BCKDHB: variants seen among roughly 807,000 people sequenced by gnomAD.
The protein encoded by BCKDHB is branched chain keto acid dehydrogenase E1 subunit beta, also known as 2-oxoisovalerate dehydrogenase subunit beta, mitochondrial.
Under a neutral mutation model 48.5 loss-of-function variants are expected in BCKDHB, and 41 were observed. That is an observed-to-expected ratio of 0.85 (90% CI 0.66 to 1.10). The LOEUF (loss-of-function observed/expected upper bound fraction) is 1.10, where lower values mean the gene tolerates loss of function less well. Ranked by LOEUF, BCKDHB falls within the 50% of genes least tolerant of loss-of-function variation. BCKDHB has a pLI of 0.00. For synonymous variants in BCKDHB, 201 were observed against 174.8 expected (o/e 1.15, Z -1.18); for missense variants, 496 against 494.2 (o/e 1.00, Z -0.03).
At chr6:80,121,537 T>C (rs1770017674) in intron 1 of BCKDHB, among the ~76,000 whole-genome samples, 2 of 152,224 alleles carry the variant, frequency 1.3e-5, no homozygotes, top group South Asian at 4.1e-4. Flanking sequence ...TTTTATTTTG[T>C]TGAGCAGTGG....
chr6:80,423,472 A>G, the BCKDHB span, among the ~76,000 whole-genome samples: 1 of 152,328 alleles, frequency 6.6e-6, no homozygotes. Flanking sequence ...CATCTTGCTA[A>G]CATCCTATAT....
chr6:80,411,490 C>G, the BCKDHB span, among the ~76,000 whole-genome samples: 5 of 152,242 alleles, frequency 3.3e-5, no homozygotes, highest in East Asian at 9.6e-4. Flanking sequence ...CCACTACTCT[C>G]TTCAGAGCTG....
the BCKDHB span, among the ~76,000 whole-genome samples, chr6:80,456,310 C>A: frequency 6.6e-6 from 1 of 151,850 alleles, no homozygotes; most frequent in Non-Finnish European, 1.5e-5. Flanking sequence ...GATGTCCATA[C>A]GTTGAATAAA....
chr6:80,201,431 G>A (rs1774390428), intron 7 of BCKDHB, among the ~76,000 whole-genome samples: 1 of 152,034 alleles, frequency 6.6e-6, no homozygotes. Flanking sequence ...TCTGTGGTAC[G>A]GATTTCTGAG....
chr6:80,277,822 A>G (rs1359992894), intron 9 of BCKDHB, among the ~76,000 whole-genome samples: 1 of 152,066 alleles, frequency 6.6e-6, no homozygotes, highest in African/African-American at 2.4e-5. Context: ...ATATTTTTTA[A>G]GATTATCAGA....
chr6:80,463,589 C>CT, the BCKDHB span, among the ~76,000 whole-genome samples: 41 of 149,998 alleles, frequency 2.7e-4, no homozygotes, highest in East Asian at 5.9e-4. Context: ...TTTCAATATA[C>CT]TTTTTTTTTT....
intron 3 of BCKDHB, among the ~76,000 whole-genome samples, chr6:80,153,139 C>G (rs766859002): frequency 1.4e-5 from 2 of 144,956 alleles, no homozygotes; most frequent in Admixed American, 1.5e-4. Context: ...CTTGGGGTCT[C>G]TTTTTTGCAG....
At chr6:80,241,288 C>T (rs187211763) in intron 8 of BCKDHB, among the ~76,000 whole-genome samples, 6 of 152,230 alleles carry the variant, frequency 3.9e-5, no homozygotes, top group Admixed American at 3.9e-4. Context: ...AGCTTTGTTC[C>T]GTTGCTGGTG....
At chr6:80,166,724 C>T (rs1409667168) in intron 3 of BCKDHB, among the ~76,000 whole-genome samples, 1 of 151,754 alleles carries the variant, frequency 6.6e-6, no homozygotes, top group Non-Finnish European at 1.5e-5. Context: ...AACTTAATTA[C>T]ACTATGGTCA....
chr6:80,123,254 C>G (rs113241193), intron 1 of BCKDHB, among the ~76,000 whole-genome samples: 2 of 152,132 alleles, frequency 1.3e-5, no homozygotes, highest in Non-Finnish European at 2.9e-5. Flanking sequence ...ACAGTTAACA[C>G]AATTATCACA....
chr6:80,257,730 C>G (rs73748763), intron 8 of BCKDHB, among the ~76,000 whole-genome samples: 2,971 of 152,000 alleles, frequency 0.02, 89 homozygotes, highest in African/African-American at 0.068. Flanking sequence ...GAACCCAGGG[C>G]GAGGGAGTAG....
intron 3 of BCKDHB, among the ~76,000 whole-genome samples, chr6:80,140,787 T>C (rs539875108): frequency 2.0e-5 from 3 of 152,256 alleles, no homozygotes; most frequent in African/African-American, 4.8e-5. Context: ...TGTCTCTGCC[T>C]GGCTTTGGTA....
Position 80,168,980 on chromosome 6 carries a change from T to C in BCKDHB, c.583T>C (p.Tyr195His). The change falls in exon 5 of 10, where the codon TAT becomes CAT. Residue 195 changes from tyrosine (Y) to histidine (H), a missense_variant. By Grantham distance (83) the Tyr-to-His change is moderately conservative. Coordinates refer to ENST00000320393, the MANE Select transcript of BCKDHB (RefSeq NM_183050.4). Reference sequence around the variant, plus strand: ...GGGCTGTGTTGGTCATGGGGCTCTCTATCATTCTCAGAGTCCTGAAGCATT... The same window carrying C: ...GGGCTGTGTTGGTCATGGGGCTCTCCATCATTCTCAGAGTCCTGAAGCATT... The part of the protein sequence containing the change: ...PWGCVGHGAL[Y>H]HSQSPEAFFA... 1 of 1,614,218 alleles carries C rather than the reference T, an allele frequency of 6.2e-7. No individual in the cohort carries two copies. The highest frequency in any genetic ancestry group is 8.5e-7 in the Non-Finnish European group (1 of 1,180,016).
chr6:80,204,103 G>C (rs1774526463), intron 8 of BCKDHB, among the ~76,000 whole-genome samples: 1 of 152,022 alleles, frequency 6.6e-6, no homozygotes, highest in African/African-American at 2.4e-5. Flanking sequence ...CTATAGTATA[G>C]GGCATTTTAT....
chr6:80,399,707 A>G, the BCKDHB span, among the ~76,000 whole-genome samples: 1 of 152,114 alleles, frequency 6.6e-6, no homozygotes, highest in African/African-American at 2.4e-5. Context: ...TTCCTATAAA[A>G]TTACCAATGA....
chr6:80,330,688 A>G (rs1462647499), intron 9 of BCKDHB, among the ~76,000 whole-genome samples: 1 of 148,306 alleles, frequency 6.7e-6, no homozygotes, highest in Non-Finnish European at 1.5e-5. Context: ...AGTAAGAATT[A>G]GATATCTAGA....
At chr6:80,203,253 C>T (rs182249597) in intron 8 of BCKDHB, 41 bp downstream of exon 8, 1 of 1,384,680 alleles carries the variant, frequency 7.2e-7, no homozygotes, top group South Asian at 1.2e-5. Context: ...TCCCTGAAAC[C>T]TTTGGCCAAA....
intron 8 of BCKDHB, among the ~76,000 whole-genome samples, chr6:80,222,268 A>T (rs187999558): frequency 6.6e-6 from 1 of 152,206 alleles, no homozygotes; most frequent in Non-Finnish European, 1.5e-5. Flanking sequence ...ACCTAATTTT[A>T]TATGACAAAG....
chr6:80,333,698 T>A (rs1380746625), intron 9 of BCKDHB, among the ~76,000 whole-genome samples: 1 of 152,198 alleles, frequency 6.6e-6, no homozygotes, highest in Non-Finnish European at 1.5e-5. Flanking sequence ...TAGCCCCAAG[T>A]AAGTAGATAA....
Sources: allele counts gnomAD v4.1 joint callset (sites outside exome capture counted in the v4.1 genomes callset), GRCh38; gene constraint gnomAD v4.1.1; transcripts MANE v1.5; gene names NCBI Gene and HGNC (gene_info 2026-07-23, HGNC 2026-07-21).